TAFA2: variants seen among roughly 807,000 people sequenced by gnomAD.
The protein encoded by TAFA2 is chemokine-like protein TAFA-2.
A neutral mutation model predicts 18.8 loss-of-function variants in TAFA2; 7 were observed. That is an observed-to-expected ratio of 0.37 (90% CI 0.21 to 0.70). The LOEUF is 0.70. TAFA2 is among the 30% of genes least tolerant of loss of function. The pLI is 0.53. For synonymous variants in TAFA2, 60 were observed against 54.2 expected, an observed-to-expected ratio of 1.11 and a Z score of -0.47; for missense variants, 122 against 158.1, an observed-to-expected ratio of 0.77 and a Z score of 1.23.
intron 1 of TAFA2, among the ~76,000 whole-genome samples, chr12:62,096,556 C>T (rs539061403): frequency 6.6e-6 from 1 of 152,118 alleles, no homozygotes; most frequent in South Asian, 2.1e-4. Flanking sequence ...ATTATAAATC[C>T]CAATTACTAT....
intron 4 of TAFA2, among the ~76,000 whole-genome samples, chr12:61,721,727 G>A (rs562947641): frequency 5.3e-5 from 8 of 152,292 alleles, no homozygotes; most frequent in African/African-American, 9.6e-5. Context: ...AGGCCAACGC[G>A]GGTGGATCAC....
Position 62,039,889 on chromosome 12 carries a change from A to T in TAFA2, c.-2+151370T>A, listed in dbSNP as rs927809512. ...GATTCAGTAGCTTGAGGTGAGGCCC[A>T]AGCATTTGCATATCCAAAAATCTCC... On this transcript the variant is annotated intron_variant, in intron 1 of 4. Coordinates refer to ENST00000416284, the MANE Select transcript of TAFA2 (RefSeq NM_178539.5). 2.6e-5 allele frequency among the ~76,000 whole-genome samples: 4 copies of T among 152,184 alleles called. No individual in the cohort carries two copies. The East Asian group carries it at 7.7e-4, about 29-fold the overall frequency.
chr12:61,900,773 G>C (rs1395539479), intron 1 of TAFA2, among the ~76,000 whole-genome samples: 2 of 152,036 alleles, frequency 1.3e-5, no homozygotes, highest in African/African-American at 4.8e-5. Context: ...ATATCAAGTG[G>C]GTATAAAATG....
At chr12:62,150,223 TA>T (rs907697065) in intron 1 of TAFA2, among the ~76,000 whole-genome samples, 10 of 152,340 alleles carry the variant, frequency 6.6e-5, no homozygotes, top group Non-Finnish European at 1.3e-4. Flanking sequence ...ATGCTTTCCC[TA>T]AAAGAGATCT....
intron 4 of TAFA2, among the ~76,000 whole-genome samples, chr12:61,723,658 T>G (rs1301617945): frequency 6.6e-6 from 1 of 152,150 alleles, no homozygotes; most frequent in African/African-American, 2.4e-5. Flanking sequence ...GGAAAAGGTC[T>G]GATTTTAAAA....
intron 1 of TAFA2, among the ~76,000 whole-genome samples, chr12:62,151,563 T>G (rs750357905): frequency 2.6e-5 from 4 of 152,260 alleles, no homozygotes; most frequent in Admixed American, 6.5e-5. Context: ...CTTGATACTT[T>G]ATGACGAGAC....
chr12:62,043,526 A>G (rs1024202459), intron 1 of TAFA2, among the ~76,000 whole-genome samples: 12 of 152,258 alleles, frequency 7.9e-5, no homozygotes, highest in South Asian at 2.1e-4. Context: ...TGGCGAGTTA[A>G]TGGGTGCAGC....
At chr12:61,914,855 T>C (rs1402952727) in intron 1 of TAFA2, among the ~76,000 whole-genome samples, 1 of 152,160 alleles carries the variant, frequency 6.6e-6, no homozygotes, top group Non-Finnish European at 1.5e-5. Flanking sequence ...TTATTTTATA[T>C]ATGTAGTAGA....
At chr12:61,997,804 AT>A (rs968295375) in intron 1 of TAFA2, among the ~76,000 whole-genome samples, 84 of 150,702 alleles carry the variant, frequency 5.6e-4, no homozygotes, top group Admixed American at 2.1e-3. Context: ...TGTTTTTTGG[AT>A]TTTTTTTTTC....
intron 1 of TAFA2, among the ~76,000 whole-genome samples, chr12:62,007,583 G>A (rs544114392): frequency 1.3e-5 from 2 of 152,222 alleles, no homozygotes; most frequent in South Asian, 4.1e-4. Flanking sequence ...GTGATCTAAT[G>A]ACTTCCAGGG....
intron 1 of TAFA2, among the ~76,000 whole-genome samples, chr12:61,904,323 CA>C (rs1432946797): frequency 6.6e-6 from 1 of 152,036 alleles, no homozygotes; most frequent in Admixed American, 6.6e-5. Context: ...ACAAACTCCC[CA>C]AAAACTCATG....
At position 61,990,163 on chromosome 12, in the gene TAFA2, A is replaced by G. The variant is rs566984507; in HGVS notation, c.-1-122737T>C. Among the ~76,000 whole-genome samples, 4 of 152,228 alleles carry G rather than the reference A, an allele frequency of 2.6e-5. No homozygotes were observed. The South Asian group carries it at 8.3e-4, about 32-fold the overall frequency. ...ATGAACTTAAAAAATAAGGAAAAAAAATTCAAGACAGCTGCAGTATAATGA... is the reference window on the plus strand; with the variant it reads ...ATGAACTTAAAAAATAAGGAAAAAAGATTCAAGACAGCTGCAGTATAATGA... On this transcript the variant is annotated intron_variant, in intron 1 of 4. Transcript: ENST00000416284.
intron 1 of TAFA2, chr12:62,139,881 G>A (rs958593247): frequency 1.2e-4 from 19 of 152,272 alleles, no homozygotes; most frequent in African/African-American, 3.4e-4. Flanking sequence ...CAAAAATCAC[G>A]TCTCCTAACT....
intron 4 of TAFA2, among the ~76,000 whole-genome samples, chr12:61,734,268 A>G (rs1868267606): frequency 1.3e-5 from 2 of 151,186 alleles, no homozygotes; most frequent in African/African-American, 4.9e-5. Flanking sequence ...GCAAGGACAA[A>G]AAACCAAATA....
chr12:62,256,495 C>T (rs1430879615), intron 1 of TAFA2, among the ~76,000 whole-genome samples: 2 of 152,106 alleles, frequency 1.3e-5, no homozygotes, highest in Non-Finnish European at 2.9e-5. Flanking sequence ...CTGTATCTAA[C>T]CCCTGCAAGT....
intron 1 of TAFA2, among the ~76,000 whole-genome samples, chr12:61,959,522 T>A (rs765382782): frequency 5.9e-5 from 9 of 152,068 alleles, no homozygotes; most frequent in Non-Finnish European, 1.0e-4. Flanking sequence ...CTCACCAAAT[T>A]TTCTTATTAA....
At chr12:61,828,969 CAT>C (rs1189837045) in intron 2 of TAFA2, among the ~76,000 whole-genome samples, 7 of 151,742 alleles carry the variant, frequency 4.6e-5, no homozygotes, top group African/African-American at 1.7e-4. Context: ...GATGACTCCA[CAT>C]AGACAGTATG....
At chr12:62,213,467 AC>A (rs930376792) in intron 1 of TAFA2, among the ~76,000 whole-genome samples, 70 of 151,932 alleles carry the variant, frequency 4.6e-4, no homozygotes, top group African/African-American at 1.6e-3. Context: ...ACATGGTGAA[AC>A]CCCGTCTGTA....
At chr12:61,825,313 A>T (rs1272804669) in intron 2 of TAFA2, among the ~76,000 whole-genome samples, 1 of 152,220 alleles carries the variant, frequency 6.6e-6, no homozygotes, top group East Asian at 1.9e-4. Flanking sequence ...GAGACAGTTG[A>T]TAGAGAGAAA....
Sources: gnomAD v4.1 joint callset for allele counts (sites outside exome capture counted in the v4.1 genomes callset) on GRCh38, gnomAD v4.1.1 for gene constraint, MANE v1.5 for transcripts, NCBI Gene and HGNC (gene_info 2026-07-23, HGNC 2026-07-21) for gene names.